ARHGEF4: variants seen among roughly 807,000 people sequenced by gnomAD.
ARHGEF4 encodes the protein APC-stimulated guanine nucleotide exchange factor 1.
Under a neutral mutation model 162.0 loss-of-function variants are expected in ARHGEF4, and 119 were observed. The ratio of observed to expected loss-of-function variants is 0.73; its 90% CI spans 0.63 to 0.86. The LOEUF is 0.86. Ranked by LOEUF, ARHGEF4 falls within the 40% of genes least tolerant of loss-of-function variation. The pLI is 0.00. For missense variants in ARHGEF4, 2,488 were observed against 2,456.0 expected, an observed-to-expected ratio of 1.01 and a Z score of -0.28; for synonymous variants, 1,014 against 979.9, an observed-to-expected ratio of 1.03 and a Z score of -0.65.
rs1343764829 is a variant in ARHGEF4, at chr2:130,917,350, G to A, written c.3404G>A (p.Arg1135Lys). The change falls in exon 2 of 14, where the codon AGA becomes AAA. Residue 1135 changes from arginine to lysine, a missense_variant. Physicochemically the swap from Arg to Lys is conservative, Grantham distance 26. Around this residue, in one of 6 missense-constraint regions of ARHGEF4, gnomAD observed 1,642 missense variants for 1,481.5 expected, o/e 1.11. Coordinates refer to ENST00000409359, the MANE Select transcript of ARHGEF4 (RefSeq NM_001367493.1). ...YVDSSSGDPERPKIPKGQTSF... is the reference protein window; with the variant it reads ...YVDSSSGDPEKPKIPKGQTSF... ...GACAGCAGTTCAGGGGACCCTGAAAGACCCAAGATTCCCAAGGGCCAGACC... is the reference window on the plus strand; with the variant it reads ...GACAGCAGTTCAGGGGACCCTGAAAAACCCAAGATTCCCAAGGGCCAGACC... 5 of 1,550,586 alleles carry A rather than the reference G, an allele frequency of 3.2e-6. No individual in the cohort carries two copies. The East Asian group carries it at 9.8e-5, about 30-fold the overall frequency.
intron 1 of ARHGEF4, among the ~76,000 whole-genome samples, chr2:130,877,980 G>A (rs898439431): frequency 4.6e-5 from 7 of 152,032 alleles, no homozygotes; most frequent in Admixed American, 1.3e-4. Flanking sequence ...AGCCTTGTAC[G>A]GTATCCAGCC....
chr2:131,015,897 G>A (rs1345038878), intron 4 of ARHGEF4, among the ~76,000 whole-genome samples: 2 of 152,216 alleles, frequency 1.3e-5, no homozygotes, highest in Admixed American at 1.3e-4. Flanking sequence ...AGGATGAAGT[G>A]AGAGGCCCCT....
At chr2:130,888,339 C>T (rs1264215457) in intron 1 of ARHGEF4, among the ~76,000 whole-genome samples, 1 of 151,780 alleles carries the variant, frequency 6.6e-6, no homozygotes, top group Non-Finnish European at 1.5e-5. Context: ...GGCATGATGG[C>T]AGGTGCCTGT....
chr2:130,882,977 T>C (rs1270325304), intron 1 of ARHGEF4, among the ~76,000 whole-genome samples: 1 of 152,112 alleles, frequency 6.6e-6, no homozygotes, highest in Non-Finnish European at 1.5e-5. Context: ...AAAAGACTTC[T>C]GGCTCCCCTT....
At chr2:130,838,381 G>A (rs189734293) in intron 1 of ARHGEF4, among the ~76,000 whole-genome samples, 157 of 152,122 alleles carry the variant, frequency 1.0e-3, no homozygotes, top group Admixed American at 1.8e-3. Flanking sequence ...TGGGGGGGGC[G>A]GATCGCCTGA....
chr2:131,017,192 A>C (rs1243891065), intron 4 of ARHGEF4, among the ~76,000 whole-genome samples: 1 of 152,134 alleles, frequency 6.6e-6, no homozygotes, highest in Non-Finnish European at 1.5e-5. Flanking sequence ...CTTTCCTATG[A>C]ATTAGCTGTG....
At chr2:131,021,094 TCAGATAAGTAGG>T (rs2105353323) in intron 4 of ARHGEF4, among the ~76,000 whole-genome samples, 1 of 152,296 alleles carries the variant, frequency 6.6e-6, no homozygotes, top group African/African-American at 2.4e-5. Flanking sequence ...TAGCCCTTTG[TCAGATAAGTAGG>T]TTGCAAAAAT....
At position 130,855,377 on chromosome 2, in the gene ARHGEF4, C is replaced by T. The variant is rs184678269; in HGVS notation, c.39+18385C>T. ...TGTAACTCTGAAAAGCTGTTATACT[C>T]ATGGTTATGGTTTATTACAGTGAAA... On this transcript the variant is annotated intron_variant, in intron 1 of 13. Coordinates refer to ENST00000409359, the MANE Select transcript of ARHGEF4 (RefSeq NM_001367493.1). 3.3e-5 allele frequency among the ~76,000 whole-genome samples: 5 copies of T among 152,212 alleles called. No individual in the cohort carries two copies. The East Asian group carries it at 9.6e-4, about 29-fold the overall frequency.
chr2:130,964,030 C>G, intron 4 of ARHGEF4: 1 of 383,492 alleles, frequency 2.6e-6, no homozygotes, highest in South Asian at 9.7e-5. Context: ...GTGGCTGGAG[C>G]TCGGGCCCGC....
At chr2:130,875,218 A>G (rs1048191182) in intron 1 of ARHGEF4, among the ~76,000 whole-genome samples, 1 of 151,898 alleles carries the variant, frequency 6.6e-6, no homozygotes, top group African/African-American at 2.4e-5. Context: ...TTGTTCCTCC[A>G]CATACAAACT....
intron 2 of ARHGEF4, chr2:130,929,775 A>G (rs1682512688): frequency 1.5e-5 from 3 of 198,354 alleles, no homozygotes. Context: ...TGTTGGGTAG[A>G]ACAGTCAGCC....
chr2:130,989,721 ATTT>A (rs1204580125), intron 4 of ARHGEF4, among the ~76,000 whole-genome samples: 5 of 152,034 alleles, frequency 3.3e-5, no homozygotes, highest in African/African-American at 1.2e-4. Flanking sequence ...TGCTGGTATG[ATTT>A]GTGAGTGGGG....
chr2:130,905,826 T>C (rs1001727059), intron 1 of ARHGEF4, among the ~76,000 whole-genome samples: 7 of 152,222 alleles, frequency 4.6e-5, no homozygotes, highest in Admixed American at 1.3e-4. Flanking sequence ...GGTATATATG[T>C]ATGTACAGGA....
Position 130,916,429 on chromosome 2 carries a change from GCCCCGAGGGGCT to G in ARHGEF4, c.2488_2499del (p.Glu830_Pro833del). 1 of 1,537,452 alleles carries G rather than the reference GCCCCGAGGGGCT, an allele frequency of 6.5e-7. No homozygotes were observed. Among genetic ancestry groups the G allele is most frequent in the Non-Finnish European group, 8.7e-7 (1 of 1,144,482 alleles). ...GAGGGTCGCCGCTGGGGCTCTTCAG[GCCCCGAGGGGCT>G]CCCCAGGGAGAATCCGCCCGCTGCG... On this transcript the variant is annotated inframe_deletion, in exon 2 of 14. Coordinates refer to ENST00000409359, the MANE Select transcript of ARHGEF4 (RefSeq NM_001367493.1).
chr2:130,838,201 C>T (rs990572202), intron 1 of ARHGEF4, among the ~76,000 whole-genome samples: 7 of 152,214 alleles, frequency 4.6e-5, no homozygotes, highest in Non-Finnish European at 5.9e-5. Context: ...AGGAGGTGTA[C>T]AATCTTGGGA....
At chr2:130,922,404 G>C (rs1416085779) in intron 2 of ARHGEF4, among the ~76,000 whole-genome samples, 5 of 151,960 alleles carry the variant, frequency 3.3e-5, no homozygotes, top group African/African-American at 9.7e-5. Flanking sequence ...CAGCACAGAA[G>C]TCGAGGACTG....
rs776882623 is a variant in ARHGEF4, at chr2:131,046,016, TCTG to T, written c.5480-18_5480-16del. On this transcript the variant is annotated intron_variant, in intron 13 of 13. Transcript: ENST00000409359. ...ACTCTGCCCTGGGCACCCATGACCC[TCTG>T]CTGTCTCTCCCTGTTCAGCTGTTGG... The T allele has an allele frequency of 5.6e-6, 9 of 1,600,772 alleles. No homozygotes were observed. The highest frequency in any genetic ancestry group is 7.7e-6 in the Non-Finnish European group (9 of 1,171,428).
At position 130,914,357 on chromosome 2, in the gene ARHGEF4, A is replaced by T; in HGVS notation, c.411A>T (p.Leu137Phe). Reference protein sequence around the residue: ...AKEELDLSPSLEDDSCKNGWR... With the variant: ...AKEELDLSPSFEDDSCKNGWR... ...AAGAACTCGATTTGTCCCCTAGCTTAGAGGATGACTCTTGCAAAAATGGGT... is the reference window on the plus strand; with the variant it reads ...AAGAACTCGATTTGTCCCCTAGCTTTGAGGATGACTCTTGCAAAAATGGGT... The change falls in exon 2 of 14, where the codon TTA becomes TTT. Residue 137 changes from leucine to phenylalanine, a missense_variant. Physicochemically the swap from Leu to Phe is conservative, Grantham distance 22. Coordinates refer to ENST00000409359, the MANE Select transcript of ARHGEF4 (RefSeq NM_001367493.1). 1 of 1,454,284 alleles carries T rather than the reference A, an allele frequency of 6.9e-7. No individual in the cohort carries two copies. The highest frequency in any genetic ancestry group is 9.0e-7 in the Non-Finnish European group (1 of 1,109,194). The allele number at this position is 1,454,284 out of a possible 1,614,324, so 90.1% of individuals were successfully genotyped here.
chr2:130,870,500 AG>A (rs375741076), intron 1 of ARHGEF4, among the ~76,000 whole-genome samples: 66 of 152,172 alleles, frequency 4.3e-4, no homozygotes, highest in African/African-American at 1.5e-3. Context: ...CTTCCCTTTG[AG>A]GCTTTGTGTT....
Sources: gnomAD v4.1 joint callset for allele counts (sites outside exome capture counted in the v4.1 genomes callset) on GRCh38, gnomAD v4.1.1 for gene constraint, gnomAD v4.1.1 regional missense constraint, MANE v1.5 for transcripts, NCBI Gene and HGNC (gene_info 2026-07-23, HGNC 2026-07-21) for gene names.